Variants in FAT1 observed in about 807,000 individuals in gnomAD.
The protein encoded by FAT1 is FAT atypical cadherin 1.
A neutral mutation model predicts 329.8 loss-of-function variants in FAT1; 171 were observed. That is an observed-to-expected ratio of 0.52 (90% CI 0.46 to 0.59). FAT1 has a LOEUF of 0.59. FAT1 is among the 20% of genes least tolerant of loss of function. The pLI is 0.00. For synonymous variants in FAT1, 2,233 were observed against 2,228.6 expected, an observed-to-expected ratio of 1.00 and a Z score of -0.06; for missense variants, 5,672 against 5,774.4, an observed-to-expected ratio of 0.98 and a Z score of 0.57.
rs778221022 is a variant in FAT1, at chr4:186,706,992, T to C, written c.2836A>G (p.Ile946Val). The change falls in exon 2 of 27, where the codon ATC (isoleucine) becomes GTC (valine). Residue 946 changes from isoleucine to valine, a missense_variant. Transcript: ENST00000441802. ...VREDLPEGTVIMWLEAHDPDL... is the reference protein window; with the variant it reads ...VREDLPEGTVVMWLEAHDPDL... ...GGATCGTGGGCTTCTAACCACATGATGACGGTTCCTTCTGGAAGATCCTCT... is the reference window on the plus strand; with the variant it reads ...GGATCGTGGGCTTCTAACCACATGACGACGGTTCCTTCTGGAAGATCCTCT... 228 of 1,614,008 alleles carry C rather than the reference T, an allele frequency of 1.4e-4. 5 individuals carry two copies. The South Asian group carries it at 2.1e-3, about 15-fold the overall frequency.
In FAT1 at chr4:186,714,303, G is replaced by A. The variant is rs1024367794; in HGVS notation, c.-18-4458C>T. ...GGGGAGAGGGAGGGAAAGGAGGAGA[G>A]AACAGTACCAGAGAAGATGCCAAAG... On this transcript the variant is annotated intron_variant, in intron 1 of 26. Coordinates refer to ENST00000441802, the MANE Select transcript of FAT1 (RefSeq NM_005245.4). 2.6e-5 allele frequency among the ~76,000 whole-genome samples: 4 copies of A among 152,038 alleles called. No individual in the cohort carries two copies. The East Asian group carries it at 5.8e-4, about 22-fold the overall frequency.
At chr4:186,725,938 C>T (rs1030305503), upstream of FAT1, among the ~76,000 whole-genome samples, 5 of 152,178 alleles carry the variant, frequency 3.3e-5, no homozygotes, top group African/African-American at 9.6e-5. This position sits in a 1 kb window ranked among gnomAD's most constrained non-coding sequence, Gnocchi z 5.4. Flanking sequence ...GCGCCCACGT[C>T]GCCGAGCGCC....
At chr4:186,666,090 A>T (rs894581270) in intron 2 of FAT1, among the ~76,000 whole-genome samples, 2 of 151,592 alleles carry the variant, frequency 1.3e-5, no homozygotes, top group African/African-American at 4.8e-5. Context: ...AATGTAAATG[A>T]TGAGTTAATG....
intron 19 of FAT1, 49 bp downstream of exon 19, chr4:186,603,127 C>A (rs768385471): frequency 1.9e-5 from 31 of 1,606,990 alleles, no homozygotes; most frequent in Non-Finnish European, 2.6e-5. Context: ...CTTCAAAGGC[C>A]GTCTGAAACC....
At chr4:186,724,336 C>T (rs1167013760), upstream of FAT1, among the ~76,000 whole-genome samples, 1 of 152,096 alleles carries the variant, frequency 6.6e-6, no homozygotes, top group Non-Finnish European at 1.5e-5. The surrounding 1 kb of genome is among the most constrained non-coding windows in gnomAD (Gnocchi z 5.3). Flanking sequence ...TGAAGTCGTC[C>T]TTCAGGTCTC....
At chr4:186,661,826 G>A (rs1303166199) in intron 3 of FAT1, among the ~76,000 whole-genome samples, 3 of 152,028 alleles carry the variant, frequency 2.0e-5, no homozygotes, top group African/African-American at 4.8e-5. Flanking sequence ...GGGAACCCTC[G>A]CTTGGAGCTG....
intron 1 of FAT1, among the ~76,000 whole-genome samples, chr4:186,710,344 T>C (rs191479273): frequency 6.6e-6 from 1 of 152,342 alleles, no homozygotes; most frequent in Admixed American, 6.5e-5. Flanking sequence ...GCAGTGGTTT[T>C]ACATGGCGCT....
At chr4:186,631,758 C>T (rs1740608279) in intron 7 of FAT1, among the ~76,000 whole-genome samples, 1 of 151,798 alleles carries the variant, frequency 6.6e-6, no homozygotes, top group African/African-American at 2.4e-5. Flanking sequence ...AATCCATCCC[C>T]ACAGTATCCT....
intron 7 of FAT1, among the ~76,000 whole-genome samples, 152 bp downstream of exon 7, chr4:186,633,532 C>T (rs1740686641): frequency 6.6e-6 from 1 of 151,978 alleles, no homozygotes; most frequent in African/African-American, 2.4e-5. Context: ...ATTTTCTTTC[C>T]CTAAATAAAA....
chr4:186,664,802 A>G (rs1173332356), intron 2 of FAT1, among the ~76,000 whole-genome samples: 1 of 152,196 alleles, frequency 6.6e-6, no homozygotes, highest in Non-Finnish European at 1.5e-5. Flanking sequence ...ACACCATGGT[A>G]CAGGCTGGAC....
rs116144931 is a variant in FAT1, at chr4:186,705,297, T to C, written c.3265+1266A>G. On this transcript the variant is annotated intron_variant, in intron 2 of 26. Coordinates refer to ENST00000441802, the MANE Select transcript of FAT1 (RefSeq NM_005245.4). ...ACATTTTTCATGTGCTACACACCTA[T>C]CAGATGGCATGGATCCCAGGGTGGG... Among the ~76,000 whole-genome samples the C allele has an allele frequency of 8.3e-3, 1,266 of 152,248 alleles. 21 individuals are homozygous for C. The highest frequency in any genetic ancestry group is 0.029 in the African/African-American group (1,216 of 41,534).
At chr4:186,607,528 T>G (rs1284535292) in intron 16 of FAT1, among the ~76,000 whole-genome samples, 1 of 150,966 alleles carries the variant, frequency 6.6e-6, no homozygotes, top group Non-Finnish European at 1.5e-5. Context: ...GATGGACAGG[T>G]GGGTAGGTGG....
At chr4:186,622,993 C>T (rs1042617325) in intron 9 of FAT1, among the ~76,000 whole-genome samples, 2 of 152,256 alleles carry the variant, frequency 1.3e-5, no homozygotes, top group African/African-American at 4.8e-5. Flanking sequence ...TCACCAAGCA[C>T]TTTGTTCTCC....
intron 2 of FAT1, among the ~76,000 whole-genome samples, chr4:186,685,654 T>C (rs1402491615): frequency 6.6e-6 from 1 of 152,236 alleles, no homozygotes; most frequent in African/African-American, 2.4e-5. Flanking sequence ...CTACATATGG[T>C]ATTCTACAAT....
intron 2 of FAT1, among the ~76,000 whole-genome samples, chr4:186,693,168 G>T (rs1743868047): frequency 6.6e-6 from 1 of 152,210 alleles, no homozygotes; most frequent in Admixed American, 6.5e-5. Context: ...GTATCGTTAT[G>T]TAAGACAGAA....
At position 186,639,751 on chromosome 4, in the gene FAT1, G is replaced by A. The variant is rs1302189943; in HGVS notation, c.3613C>T (p.Arg1205Ter). ...LITTTSRKLD[R>*]EQQDEHILEV... ...AATATGTGTTCATCTTGCTGTTCTC[G>A]GTCTAGCTTCCTTGACGTAGTTGTG... Residue 1205 changes from arginine (R) to a stop codon, truncating the protein, a stop_gained, in exon 4 of 27, where the codon CGA (arginine) becomes TGA (stop). Transcript: ENST00000441802. LOFTEE classifies it high-confidence loss of function. 4 of 1,612,280 alleles carry A rather than the reference G, an allele frequency of 2.5e-6. No individual in the cohort carries two copies. The highest frequency in any genetic ancestry group is 1.7e-5 in the Admixed American group (1 of 59,890).
intron 2 of FAT1, among the ~76,000 whole-genome samples, chr4:186,698,603 C>T (rs747032083): frequency 5.3e-5 from 8 of 152,196 alleles, no homozygotes; most frequent in African/African-American, 1.7e-4. Flanking sequence ...CCACTGTATG[C>T]CCAAAGGCAG....
chr4:186,613,202 C>T lies in FAT1; in HGVS notation c.9370G>A (p.Glu3124Lys), dbSNP rs770029391. 6.2e-6 allele frequency: 10 copies of T among 1,613,684 alleles called. No individual in the cohort carries two copies. The highest frequency in any genetic ancestry group is 1.1e-5 in the South Asian group (1 of 91,076). ...TLEDVNDNAPEFSADPYAITV... is the reference protein window; with the variant it reads ...TLEDVNDNAPKFSADPYAITV... ...ATGGCATAAGGATCGGCAGAGAATT[C>T]GGGGGCGTTATCGTTCACATCTTCT... The change falls in exon 13 of 27, where the codon GAA becomes AAA. Residue 3124 changes from glutamate (E) to lysine (K), a missense_variant. Physicochemically the swap from Glu to Lys is moderately conservative, Grantham distance 56. Coordinates refer to ENST00000441802, the MANE Select transcript of FAT1 (RefSeq NM_005245.4).
chr4:186,723,008 C>T (rs550245395), intron 1 of FAT1, among the ~76,000 whole-genome samples: 2 of 152,306 alleles, frequency 1.3e-5, no homozygotes, highest in Non-Finnish European at 2.9e-5. Context: ...ACAAAAAAAT[C>T]TAACACACAG....
Sources: allele counts gnomAD v4.1 joint callset (sites outside exome capture counted in the v4.1 genomes callset), GRCh38; gene constraint gnomAD v4.1.1; non-coding constraint Gnocchi (gnomAD v3.1); transcripts MANE v1.5; gene names NCBI Gene and HGNC (gene_info 2026-07-23, HGNC 2026-07-21).